DAG1: variants seen among roughly 807,000 people sequenced by gnomAD.
DAG1 encodes the protein dystroglycan 1, also known as dystroglycan 1 (dystrophin-associated glycoprotein 1).
In DAG1, 8 loss-of-function variants were observed where a neutral mutation model predicts 46.1. The observed-to-expected ratio is 0.17, with a 90% confidence interval of 0.10 to 0.31. The LOEUF (loss-of-function observed/expected upper bound fraction) is 0.31, where lower values mean the gene tolerates loss of function less well. Among genes scored for constraint, DAG1 ranks in the 10% least tolerant of loss-of-function variants. The pLI is 1.00. For missense variants in DAG1, 1,003 were observed against 1,189.9 expected (o/e 0.84, Z 2.31); for synonymous variants, 495 against 481.8 (o/e 1.03, Z -0.36).
intron 1 of DAG1, among the ~76,000 whole-genome samples, chr3:49,478,538 T>TG (rs1553642852): frequency 1.5e-5 from 2 of 134,220 alleles, no homozygotes; most frequent in South Asian, 2.3e-4. Flanking sequence ...TTTTTTTTTT[T>TG]TTTTTTTTTT....
intron 1 of DAG1, among the ~76,000 whole-genome samples, chr3:49,504,209 T>C (rs543548910): frequency 6.6e-6 from 1 of 152,140 alleles, no homozygotes; most frequent in Non-Finnish European, 1.5e-5. Context: ...AATTTTGTCA[T>C]TCAAGAATGT....
chr3:49,490,434 C>G (rs1274850280), intron 1 of DAG1, among the ~76,000 whole-genome samples: 1 of 151,264 alleles, frequency 6.6e-6, no homozygotes, highest in Non-Finnish European at 1.5e-5. Flanking sequence ...CTCCCAAATA[C>G]TCCATCTAGA....
chr3:49,501,836 A>C (rs1338834417), intron 1 of DAG1, among the ~76,000 whole-genome samples: 2 of 151,968 alleles, frequency 1.3e-5, no homozygotes, highest in Non-Finnish European at 2.9e-5. Flanking sequence ...AAAGGATTAA[A>C]ATGCATAAGA....
At chr3:49,484,937 CA>C (rs1335197493) in intron 1 of DAG1, among the ~76,000 whole-genome samples, 1 of 152,162 alleles carries the variant, frequency 6.6e-6, no homozygotes, top group Non-Finnish European at 1.5e-5. Context: ...GCTGGGATTA[CA>C]GATGCGCGCC....
chr3:49,511,741 T>G (rs1212330784), intron 2 of DAG1, among the ~76,000 whole-genome samples: 1 of 152,254 alleles, frequency 6.6e-6, no homozygotes, highest in Admixed American at 6.5e-5. Flanking sequence ...CTTGAACTCC[T>G]GAGCTCAAGC....
intron 2 of DAG1, among the ~76,000 whole-genome samples, chr3:49,520,689 G>A (rs773612054): frequency 6.6e-6 from 1 of 152,192 alleles, no homozygotes; most frequent in Non-Finnish European, 1.5e-5. Context: ...ATTGATGGAA[G>A]GTGCCACCAC....
chr3:49,481,378 CAG>C (rs1281525483), intron 1 of DAG1, among the ~76,000 whole-genome samples: 1 of 119,886 alleles, frequency 8.3e-6, no homozygotes, highest in South Asian at 2.8e-4. Context: ...GCCTGGGCGA[CAG>C]AGTGAGACTC....
Position 49,530,786 on chromosome 3 carries a change from G to A in DAG1, c.286-11G>A. The A allele has an allele frequency of 6.2e-7, 1 of 1,614,186 alleles. No individual in the cohort carries two copies. Among genetic ancestry groups the A allele is most frequent in the Non-Finnish European group, 8.5e-7 (1 of 1,180,030 alleles). ...AATAGTATTTTTAATTTATGCTTGT[G>A]TCTCTTCTAGGTATCAGCGGCAGGG... On this transcript the variant is annotated splice_polypyrimidine_tract_variant and intron_variant, in intron 2 of 2. Coordinates refer to ENST00000308775, the MANE Select transcript of DAG1 (RefSeq NM_004393.6).
chr3:49,496,962 T>C (rs949663984), intron 1 of DAG1, among the ~76,000 whole-genome samples: 14 of 152,110 alleles, frequency 9.2e-5, no homozygotes, highest in African/African-American at 3.1e-4. Context: ...CTCACTATGT[T>C]GTCCAGGCTT....
chr3:49,495,696 C>G, intron 1 of DAG1, among the ~76,000 whole-genome samples: 1 of 151,956 alleles, frequency 6.6e-6, no homozygotes, highest in East Asian at 1.9e-4. Flanking sequence ...CTGAGGCGAG[C>G]GGATCACAAT....
chr3:49,530,789 T>C lies in DAG1; in HGVS notation c.286-8T>C. On this transcript the variant is annotated splice_region_variant and splice_polypyrimidine_tract_variant and intron_variant, in intron 2 of 2. Transcript: ENST00000308775. ...AGTATTTTTAATTTATGCTTGTGTC[T>C]CTTCTAGGTATCAGCGGCAGGGAAG... 6.2e-7 allele frequency: 1 copy of C among 1,614,224 alleles called. No individual in the cohort carries two copies. The highest frequency in any genetic ancestry group is 8.5e-7 in the Non-Finnish European group (1 of 1,180,040).
chr3:49,473,346 C>A (rs778618680), intron 1 of DAG1, among the ~76,000 whole-genome samples: 1 of 151,714 alleles, frequency 6.6e-6, no homozygotes, highest in Non-Finnish European at 1.5e-5. Context: ...GGCGTGAACC[C>A]GGGAGGCGGA....
chr3:49,470,709 C>T (rs1321893423), intron 1 of DAG1: 2 of 152,258 alleles, frequency 1.3e-5, no homozygotes, highest in Non-Finnish European at 2.9e-5. Context: ...CCCGCGCTCC[C>T]GGGAACGTGG....
chr3:49,509,243 G>A (rs1468588511), intron 1 of DAG1, among the ~76,000 whole-genome samples: 1 of 152,068 alleles, frequency 6.6e-6, no homozygotes, highest in African/African-American at 2.4e-5. Context: ...GGCCAGCCTG[G>A]GCAGCATAGT....
In DAG1 at chr3:49,533,559, T is replaced by G. The variant is rs1575415408; in HGVS notation, c.*360T>G. 1 of 457,472 alleles carries G rather than the reference T, an allele frequency of 2.2e-6. No homozygotes were observed. The highest frequency in any genetic ancestry group is 4.1e-6 in the Non-Finnish European group (1 of 243,378). 28.3% of individuals were successfully genotyped at this position (457,472 alleles called of 1,614,324 possible). A position where few individuals can be genotyped will look rare whatever the true frequency, so the allele number is the denominator to read the frequency against. ...AGGCAGTGCCGGGCGGCCCCCTGGC[T>G]CTCTGCGTTTTGCCTTTAACACTAA... On this transcript the variant is annotated 3_prime_UTR_variant, in exon 3 of 3. Transcript: ENST00000308775.
intron 2 of DAG1, among the ~76,000 whole-genome samples, chr3:49,527,299 C>T (rs2051201245): frequency 6.6e-6 from 1 of 151,906 alleles, no homozygotes; most frequent in Admixed American, 6.6e-5. Flanking sequence ...CCAAGGCGGG[C>T]GGATCACGAG....
chr3:49,518,889 A>G (rs1434803348), intron 2 of DAG1, among the ~76,000 whole-genome samples: 1 of 152,222 alleles, frequency 6.6e-6, no homozygotes, highest in Non-Finnish European at 1.5e-5. Flanking sequence ...AGGAAACCCT[A>G]AAGCAGATAG....
chr3:49,470,332 G>A lies in DAG1; in HGVS notation c.-218G>A, dbSNP rs1404013100. 1 of 152,586 alleles carries A rather than the reference G, an allele frequency of 6.6e-6. No individual in the cohort carries two copies. The highest frequency in any genetic ancestry group is 2.4e-5 in the African/African-American group (1 of 41,424). The allele number at this position is 152,586 out of a possible 1,614,324, so 9.5% of individuals were successfully genotyped here. The stretch of plus-strand genomic sequence containing the variant: ...CTCGCGCCTCTTAGGCTTGGCGGTG[G>A]CGGCGGCGGCAGCTTCGCGCCGAAT... On this transcript the variant is annotated 5_prime_UTR_variant, in exon 1 of 3. Transcript: ENST00000308775.
rs934097080 is a variant in DAG1, at chr3:49,476,458, G to A, written c.-117+6025G>A. ...ATACAAAAATTAGCTGGGCGTGGTG[G>A]CGCACACCTGTAATCCAAGCTGCTT... is the stretch of plus-strand genomic sequence containing the variant. On this transcript the variant is annotated intron_variant, in intron 1 of 2. Transcript: ENST00000308775. Among the ~76,000 whole-genome samples, 3 of 152,192 alleles carry A rather than the reference G, an allele frequency of 2.0e-5. No individual in the cohort carries two copies. The South Asian group carries it at 6.2e-4, about 32-fold the overall frequency.
Sources: allele counts gnomAD v4.1 joint callset (sites outside exome capture counted in the v4.1 genomes callset), GRCh38; gene constraint gnomAD v4.1.1; transcripts MANE v1.5; gene names NCBI Gene and HGNC (gene_info 2026-07-23, HGNC 2026-07-21).